Variants in DYNC2H1 observed in about 807,000 individuals in gnomAD.
The protein encoded by DYNC2H1 is dynein cytoplasmic 2 heavy chain 1, also known as cytoplasmic dynein 2 heavy chain 1.
A neutral mutation model predicts 570.0 loss-of-function variants in DYNC2H1; 410 were observed. That is an observed-to-expected ratio of 0.72 (90% CI 0.66 to 0.78). DYNC2H1 has a LOEUF of 0.78. Ranked by LOEUF, DYNC2H1 falls within the 30% of genes least tolerant of loss-of-function variation. DYNC2H1 has a pLI of 0.00. For missense variants in DYNC2H1, 4,865 were observed against 5,046.4 expected, an observed-to-expected ratio of 0.96 and a Z score of 1.09; for synonymous variants, 1,688 against 1,677.6, an observed-to-expected ratio of 1.01 and a Z score of -0.15.
rs554443824 is a variant in DYNC2H1 at position 103,147,717 on chromosome 11, C to G, written c.2703-55C>G. The G allele has an allele frequency of 3.8e-5, 40 of 1,054,738 alleles. 2 individuals are homozygous for G. The South Asian group carries it at 5.6e-4, about 15-fold the overall frequency. 65.3% of individuals were successfully genotyped at this position (1,054,738 alleles called of 1,614,324 possible). Reference sequence around the variant, plus strand: ...AATCATTATAATATTATATGAGACTCTTTTCCTCTAATTAGTCTTTTCCAT... The same window carrying G: ...AATCATTATAATATTATATGAGACTGTTTTCCTCTAATTAGTCTTTTCCAT... On this transcript the variant is annotated intron_variant, in intron 18 of 88. Coordinates refer to ENST00000375735, the MANE Select transcript of DYNC2H1 (RefSeq NM_001377.3).
At chr11:103,140,636 C>A (rs912244732) in intron 17 of DYNC2H1, among the ~76,000 whole-genome samples, 8 of 152,080 alleles carry the variant, frequency 5.3e-5, no homozygotes, top group African/African-American at 1.9e-4. Flanking sequence ...CTCTGGCTGC[C>A]CTTTTTTCCT....
intron 3 of DYNC2H1, 101 bp from the exon 4 acceptor site, chr11:103,115,076 A>T: frequency 1.4e-6 from 1 of 715,356 alleles, no homozygotes; most frequent in Non-Finnish European, 2.4e-6. Flanking sequence ...CTAGGAGCAT[A>T]TGTGTTAGAT....
intron 82 of DYNC2H1, among the ~76,000 whole-genome samples, chr11:103,353,266 G>T (rs1315517351): frequency 6.6e-6 from 1 of 152,150 alleles, no homozygotes; most frequent in Non-Finnish European, 1.5e-5. Flanking sequence ...TAACAAACCT[G>T]CATGTTCTGC....
At chr11:103,132,022 G>A (rs1024050105) in intron 13 of DYNC2H1, among the ~76,000 whole-genome samples, 10 of 151,668 alleles carry the variant, frequency 6.6e-5, no homozygotes, top group African/African-American at 2.4e-4. Flanking sequence ...TGAATTTATT[G>A]TTTTTCTCAG....
intron 85 of DYNC2H1, 36 bp downstream of exon 85, chr11:103,436,068 C>T (rs1944049578): frequency 6.4e-7 from 1 of 1,571,782 alleles, no homozygotes; most frequent in Non-Finnish European, 8.7e-7. Context: ...GGTTGTCTGA[C>T]TGTGTGACTA....
intron 70 of DYNC2H1, among the ~76,000 whole-genome samples, chr11:103,271,570 G>C (rs1865710808): frequency 6.6e-6 from 1 of 152,134 alleles, no homozygotes; most frequent in Admixed American, 6.5e-5. Flanking sequence ...TAGTCTCTTT[G>C]AGGATCATGG....
At position 103,324,110 on chromosome 11, in the gene DYNC2H1, A is replaced by G; in HGVS notation, c.12039+120A>G. On this transcript the variant is annotated intron_variant, in intron 82 of 88. Transcript: ENST00000375735. The surrounding 1 kb of genome is among the most constrained non-coding windows in gnomAD (Gnocchi z 5.2). Reference sequence around the variant, plus strand: ...CTTTATTTAAACATTTTATTTTCACAACACATTCCAGTTTTACTTTAAATA... The same window carrying G: ...CTTTATTTAAACATTTTATTTTCACGACACATTCCAGTTTTACTTTAAATA... 2.2e-6 allele frequency: 1 copy of G among 452,986 alleles called. No individual in the cohort carries two copies. Among genetic ancestry groups the G allele is most frequent in the Non-Finnish European group, 3.6e-6 (1 of 274,326 alleles). The allele number at this position is 452,986 out of a possible 1,614,324, so 28.1% of individuals were successfully genotyped here. A position where few individuals can be genotyped will look rare whatever the true frequency, so the allele number is the denominator to read the frequency against.
At chr11:103,399,505 T>C (rs564637009) in intron 83 of DYNC2H1, among the ~76,000 whole-genome samples, 158 bp from the exon 84 acceptor site, 1 of 152,118 alleles carries the variant, frequency 6.6e-6, no homozygotes, top group African/African-American at 2.4e-5. Flanking sequence ...TTCCTGTGTA[T>C]TTGCTGACTT....
At chr11:103,156,265 T>C in intron 25 of DYNC2H1, 123 bp from the exon 26 acceptor site, 1 of 998,840 alleles carries the variant, frequency 1.0e-6, no homozygotes, top group South Asian at 1.8e-5. Flanking sequence ...CACTTAACTT[T>C]TTTTTTTTTG....
rs1283931943 is a variant in DYNC2H1 at position 103,155,394 on chromosome 11, C to T, written c.3637C>T (p.Leu1213Phe). 3.1e-6 allele frequency: 5 copies of T among 1,611,776 alleles called. No individual in the cohort carries two copies. The highest frequency in any genetic ancestry group is 4.2e-6 in the Non-Finnish European group (5 of 1,178,972). The change falls in exon 25 of 89, where the codon CTT (leucine) becomes TTT (phenylalanine). Residue 1213 changes from leucine (L) to phenylalanine (F), a missense_variant. Physicochemically the swap from Leu to Phe is conservative, Grantham distance 22. Coordinates refer to ENST00000375735, the MANE Select transcript of DYNC2H1 (RefSeq NM_001377.3). ...EHLSPDHWLDLFRLLGLPRGT... is the reference protein window; with the variant it reads ...EHLSPDHWLDFFRLLGLPRGT... ...TCTTTCTCCAGATCACTGGCTTGAC[C>T]TTTTTCGTCTCCTTGGACTTCCTAG...
chr11:103,354,037 C>T (rs1035396870), intron 82 of DYNC2H1, among the ~76,000 whole-genome samples: 2 of 151,638 alleles, frequency 1.3e-5, no homozygotes, highest in Non-Finnish European at 2.9e-5. Flanking sequence ...ATTACCTGGG[C>T]ATGGTGGCGC....
rs934692013 is a variant in DYNC2H1, at chr11:103,254,768, GTTTAT to G, written c.10207-633_10207-629del. ...GACATAGTATTTTATCTTTTTATTTGTTTATTTTATTTTATTTTTTTGAGACGGAG... is the reference window on the plus strand; with the variant it reads ...GACATAGTATTTTATCTTTTTATTTGTTTATTTTATTTTTTTGAGACGGAG... On this transcript the variant is annotated intron_variant, in intron 66 of 88. Coordinates refer to ENST00000375735, the MANE Select transcript of DYNC2H1 (RefSeq NM_001377.3). This position sits in a 1 kb window ranked among gnomAD's most constrained non-coding sequence, Gnocchi z 4.9. 6.6e-6 allele frequency among the ~76,000 whole-genome samples: 1 copy of G among 151,766 alleles called. No homozygotes were observed. The highest frequency in any genetic ancestry group is 2.4e-5 in the African/African-American group (1 of 41,358).
chr11:103,437,087 T>C (rs1944089980), intron 85 of DYNC2H1, among the ~76,000 whole-genome samples: 1 of 152,150 alleles, frequency 6.6e-6, no homozygotes, highest in African/African-American at 2.4e-5. Flanking sequence ...AGTGATGTTC[T>C]TCACTCTTTC....
intron 17 of DYNC2H1, among the ~76,000 whole-genome samples, chr11:103,140,115 C>T (rs181881827): frequency 5.3e-5 from 8 of 152,224 alleles, no homozygotes; most frequent in African/African-American, 1.7e-4. Context: ...TGTCTCTGCA[C>T]GTGAGATGGG....
chr11:103,205,261 A>G lies in DYNC2H1; in HGVS notation c.8454+297A>G, dbSNP rs1304296591. 2.6e-5 allele frequency among the ~76,000 whole-genome samples: 4 copies of G among 152,196 alleles called. No homozygotes were observed. The highest frequency in any genetic ancestry group is 2.9e-5 in the Non-Finnish European group (2 of 68,028). On this transcript the variant is annotated intron_variant, in intron 52 of 88. Coordinates refer to ENST00000375735, the MANE Select transcript of DYNC2H1 (RefSeq NM_001377.3). This position sits in a 1 kb window ranked among gnomAD's most constrained non-coding sequence, Gnocchi z 4.5. ...CTGTCCTAGATTTTTAAAAAATCAT[A>G]GCAAGTATTTAACAATTAAAGAATT...
At chr11:103,111,735 G>A (rs548747772) in intron 1 of DYNC2H1, among the ~76,000 whole-genome samples, 1 of 152,086 alleles carries the variant, frequency 6.6e-6, no homozygotes, top group Non-Finnish European at 1.5e-5. Context: ...GCCCAACGAT[G>A]TATCTGTTAT....
intron 55 of DYNC2H1, 117 bp downstream of exon 55, chr11:103,215,975 T>C (rs1041349304): frequency 7.2e-5 from 89 of 1,236,578 alleles, no homozygotes; most frequent in Non-Finnish European, 9.1e-5. Flanking sequence ...TTATTCATAC[T>C]GAGTCAGACT....
intron 75 of DYNC2H1, among the ~76,000 whole-genome samples, chr11:103,294,576 G>A (rs1056251956): frequency 1.3e-5 from 2 of 152,246 alleles, no homozygotes; most frequent in East Asian, 3.9e-4. Flanking sequence ...CCAAGCAAAA[G>A]GATTCTTTCT....
chr11:103,325,529 T>C lies in DYNC2H1; in HGVS notation c.12039+1539T>C, dbSNP rs552550022. On this transcript the variant is annotated intron_variant, in intron 82 of 88. Coordinates refer to ENST00000375735, the MANE Select transcript of DYNC2H1 (RefSeq NM_001377.3). The surrounding 1 kb of genome is among the most constrained non-coding windows in gnomAD (Gnocchi z 4.8). ...AGATCGTCAGATTGTTGTAGGTGTG[T>C]AGCTTTATTTCTAGGCCCTCTATTC... Among the ~76,000 whole-genome samples the C allele has an allele frequency of 4.6e-5, 7 of 152,326 alleles. No individual in the cohort carries two copies. In the South Asian group the frequency reaches 1.2e-3, roughly 27 times the overall value.
Sources: allele counts gnomAD v4.1 joint callset (sites outside exome capture counted in the v4.1 genomes callset), GRCh38; gene constraint gnomAD v4.1.1; non-coding constraint Gnocchi (gnomAD v3.1); transcripts MANE v1.5; gene names NCBI Gene and HGNC (gene_info 2026-07-23, HGNC 2026-07-21).